The following ARK2C variants were observed in gnomAD, a reference collection of about 807,000 sequenced individuals.
The protein encoded by ARK2C is E3 ubiquitin-protein ligase ARK2C.
At chr18:46,426,816 GAC>G in the ARK2C span, among the ~76,000 whole-genome samples, 2 of 152,212 alleles carry the variant, frequency 1.3e-5, no homozygotes, top group Non-Finnish European at 2.9e-5. Context: ...GGGGAAATAT[GAC>G]AAATGCATAA....
At chr18:46,372,674 G>A in the ARK2C span, among the ~76,000 whole-genome samples, 8 of 152,322 alleles carry the variant, frequency 5.3e-5, no homozygotes, top group South Asian at 4.1e-4. Context: ...GGGCAGAGAC[G>A]CAGGAGGAGG....
chr18:46,402,792 C>A, the ARK2C span, among the ~76,000 whole-genome samples: 9 of 152,212 alleles, frequency 5.9e-5, no homozygotes, highest in Admixed American at 4.6e-4. Flanking sequence ...TGAGCCACCA[C>A]GCCTGGCCCC....
chr18:46,366,606 T>G, the ARK2C span, among the ~76,000 whole-genome samples: 1 of 152,198 alleles, frequency 6.6e-6, no homozygotes, highest in African/African-American at 2.4e-5. Flanking sequence ...CACAGCCCAG[T>G]GGTCCTTAAA....
chr18:46,408,600 G>T, the ARK2C span, among the ~76,000 whole-genome samples: 79 of 152,198 alleles, frequency 5.2e-4, no homozygotes, highest in South Asian at 1.7e-3. Context: ...GAACTGTGGG[G>T]CATCCTAAAG....
the ARK2C span, among the ~76,000 whole-genome samples, chr18:46,359,228 G>T: frequency 2.0e-5 from 3 of 152,226 alleles, no homozygotes; most frequent in Non-Finnish European, 4.4e-5. Context: ...TTCAGGGTGG[G>T]CCAGGTGGGC....
chr18:46,426,314 G>A, the ARK2C span, among the ~76,000 whole-genome samples: 4 of 152,092 alleles, frequency 2.6e-5, no homozygotes, highest in Non-Finnish European at 5.9e-5. Flanking sequence ...TTAGAGACTC[G>A]GGGACCTTGT....
the ARK2C span, among the ~76,000 whole-genome samples, chr18:46,363,967 A>T: frequency 1.7e-5 from 2 of 121,044 alleles, no homozygotes. Context: ...TTTTTGAGAG[A>T]GAGAGAGTCT....
chr18:46,350,791 C>T, the ARK2C span, among the ~76,000 whole-genome samples: 5 of 152,154 alleles, frequency 3.3e-5, no homozygotes, highest in Admixed American at 6.5e-5. Context: ...AACAAGCTGG[C>T]GAGCCAGGCA....
chr18:46,385,699 G>A, the ARK2C span: 1 of 152,204 alleles, frequency 6.6e-6, no homozygotes, highest in Non-Finnish European at 1.5e-5. Flanking sequence ...TCTTCCCAGA[G>A]CTTCTGTGCC....
chr18:46,343,077 C>T, the ARK2C span, among the ~76,000 whole-genome samples: 2 of 152,216 alleles, frequency 1.3e-5, no homozygotes, highest in African/African-American at 2.4e-5. Context: ...TTGCTGGCTT[C>T]GCATGCACTC....
At chr18:46,435,304 T>C in the ARK2C span, 4 of 1,613,974 alleles carry the variant, frequency 2.5e-6, no homozygotes, top group South Asian at 2.2e-5. Flanking sequence ...GTCAGGAGCG[T>C]GTATCTGTCC....
At chr18:46,374,215 G>GT in the ARK2C span, among the ~76,000 whole-genome samples, 10 of 151,870 alleles carry the variant, frequency 6.6e-5, no homozygotes, top group South Asian at 2.1e-4. Context: ...CACCAAAATA[G>GT]TTTTTTTTCA....
chr18:46,356,624 T>C, the ARK2C span, among the ~76,000 whole-genome samples: 3 of 151,922 alleles, frequency 2.0e-5, no homozygotes, highest in Non-Finnish European at 4.4e-5. Context: ...CAGAAGGGAG[T>C]ATTCAGATTC....
the ARK2C span, among the ~76,000 whole-genome samples, chr18:46,412,741 A>G: frequency 2.0e-5 from 3 of 152,234 alleles, no homozygotes; most frequent in Middle Eastern, 3.4e-3. Context: ...GAAAATGACA[A>G]GGCCGCCTCG....
chr18:46,427,076 C>T, the ARK2C span, among the ~76,000 whole-genome samples: 1 of 152,246 alleles, frequency 6.6e-6, no homozygotes, highest in Non-Finnish European at 1.5e-5. Context: ...GGAGAGGCCC[C>T]AGGGGGCAAG....
chr18:46,379,245 T>C, the ARK2C span, among the ~76,000 whole-genome samples: 50 of 152,328 alleles, frequency 3.3e-4, no homozygotes, highest in African/African-American at 1.1e-3. Flanking sequence ...TCTTTTGGGG[T>C]GCATCTAGTC....
chr18:46,443,697 G>A, the ARK2C span, among the ~76,000 whole-genome samples: 5 of 152,150 alleles, frequency 3.3e-5, no homozygotes, highest in Admixed American at 6.5e-5. Flanking sequence ...GAGACTGTAC[G>A]GCTTTTGAAG....
chr18:46,422,298 A>C, the ARK2C span, among the ~76,000 whole-genome samples: 1 of 152,106 alleles, frequency 6.6e-6, no homozygotes, highest in Non-Finnish European at 1.5e-5. Flanking sequence ...TTTCCCAAGC[A>C]CCCTGCCTCT....
At chr18:46,456,885 C>T in the ARK2C span, 1 of 487,916 alleles carries the variant, frequency 2.0e-6, no homozygotes, top group Admixed American at 3.3e-5. Flanking sequence ...TGGCGGTGCC[C>T]AGCGCAAGGG....
Sources: gnomAD v4.1 joint callset for allele counts (sites outside exome capture counted in the v4.1 genomes callset) on GRCh38, gnomAD v4.1.1 for gene constraint, MANE v1.5 for transcripts, NCBI Gene and HGNC (gene_info 2026-07-23, HGNC 2026-07-21) for gene names.